Variants in SERPINB7 observed in about 807,000 individuals in gnomAD.
The protein encoded by SERPINB7 is serpin family B member 7.
SERPINB7 carries 31 observed loss-of-function variants against 37.4 expected under a neutral mutation model. That is an observed-to-expected ratio of 0.83 (90% CI 0.62 to 1.12). SERPINB7 has a LOEUF of 1.12. SERPINB7 is among the 50% of genes most tolerant of loss of function. The pLI is 0.00. For synonymous variants in SERPINB7, 163 were observed against 166.1 expected (o/e 0.98, Z 0.14); for missense variants, 521 against 455.3 (o/e 1.14, Z -1.31).
At chr18:63,791,871 A>C (rs956585843) in intron 2 of SERPINB7, among the ~76,000 whole-genome samples, 15 of 152,086 alleles carry the variant, frequency 9.9e-5, no homozygotes, top group African/African-American at 3.4e-4. Flanking sequence ...TGGCCTCCCA[A>C]AGTGCTGAGA....
intron 2 of SERPINB7, among the ~76,000 whole-genome samples, chr18:63,788,257 G>A (rs895736291): frequency 6.6e-6 from 1 of 152,210 alleles, no homozygotes; most frequent in African/African-American, 2.4e-5. Flanking sequence ...CTTTCAGTGG[G>A]ACAAGACGTG....
intron 1 of SERPINB7, among the ~76,000 whole-genome samples, chr18:63,760,498 C>T (rs1460918781): frequency 6.6e-6 from 1 of 152,176 alleles, no homozygotes; most frequent in African/African-American, 2.4e-5. Flanking sequence ...CAGAAATTTG[C>T]ATAAGTAGCA....
intron 1 of SERPINB7, among the ~76,000 whole-genome samples, chr18:63,760,553 A>T (rs904535492): frequency 6.6e-6 from 1 of 152,228 alleles, no homozygotes; most frequent in African/African-American, 2.4e-5. Flanking sequence ...AAATGTCTCC[A>T]GACCATGTCA....
intron 4 of SERPINB7, among the ~76,000 whole-genome samples, chr18:63,794,160 C>T (rs1355309252): frequency 2.6e-5 from 3 of 116,678 alleles, no homozygotes; most frequent in African/African-American, 1.0e-4. Flanking sequence ...CGGGGATTTG[C>T]TATGTTGGCC....
intron 2 of SERPINB7, among the ~76,000 whole-genome samples, chr18:63,789,530 C>G (rs1196982114): frequency 6.6e-6 from 1 of 152,108 alleles, no homozygotes; most frequent in South Asian, 2.1e-4. Flanking sequence ...TGACCAACTC[C>G]ACTGTTCGCC....
At chr18:63,773,997 G>A (rs1032182831), upstream of SERPINB7, among the ~76,000 whole-genome samples, 1 of 152,028 alleles carries the variant, frequency 6.6e-6, no homozygotes, top group Non-Finnish European at 1.5e-5. Context: ...TCCTCAGTAG[G>A]TAAGAAATAG....
At chr18:63,771,747 C>G (rs2049212530), upstream of SERPINB7, among the ~76,000 whole-genome samples, 1 of 151,626 alleles carries the variant, frequency 6.6e-6, no homozygotes, top group Non-Finnish European at 1.5e-5. Flanking sequence ...TCTCATAGAC[C>G]CTTATGAGAA....
chr18:63,795,204 TA>T (rs1334961524), intron 4 of SERPINB7, among the ~76,000 whole-genome samples: 1 of 151,954 alleles, frequency 6.6e-6, no homozygotes, highest in Non-Finnish European at 1.5e-5. Context: ...ATCTCAAAGG[TA>T]AAAAGGATGC....
At chr18:63,803,938 G>A (rs568248630) in intron 7 of SERPINB7, among the ~76,000 whole-genome samples, 1 of 152,280 alleles carries the variant, frequency 6.6e-6, no homozygotes, top group South Asian at 2.1e-4. Flanking sequence ...TCCTTCACCT[G>A]TCTATTGCTC....
rs1185399551 is a variant in SERPINB7, at chr18:63,786,207, C to T, written c.168+3667C>T. ...CACACACACACCAGCATGGCACATA[C>T]GTGTATATATATATATATATATATA... On this transcript the variant is annotated intron_variant, in intron 2 of 7. Coordinates refer to ENST00000398019, the MANE Select transcript of SERPINB7 (RefSeq NM_003784.4). 1.3e-4 allele frequency among the ~76,000 whole-genome samples: 11 copies of T among 84,280 alleles called. 2 individuals are homozygous for T. The highest frequency in any genetic ancestry group is 7.9e-4 in the Admixed American group (6 of 7,556). The allele number at this position is 84,280 out of a possible 152,430, so 55.3% of individuals were successfully genotyped here. A position where few individuals can be genotyped will look rare whatever the true frequency, so the allele number is the denominator to read the frequency against.
At chr18:63,777,990 C>A (rs1701645) in intron 1 of SERPINB7, 21,014 of 151,912 alleles carry the variant, frequency 0.14, 2,465 homozygotes, top group East Asian at 0.45. Flanking sequence ...AAACTCATCA[C>A]ACAACATCCA....
chr18:63,774,804 A>G (rs1442659531), upstream of SERPINB7, among the ~76,000 whole-genome samples: 1 of 152,128 alleles, frequency 6.6e-6, no homozygotes, highest in Non-Finnish European at 1.5e-5. Flanking sequence ...GCCAGTTGCA[A>G]TAACTAACAG....
intron 1 of SERPINB7, among the ~76,000 whole-genome samples, chr18:63,780,639 T>C (rs1210518546): frequency 6.6e-6 from 1 of 152,202 alleles, no homozygotes; most frequent in Non-Finnish European, 1.5e-5. Context: ...AACATACATT[T>C]TTTTCTGGGT....
intron 6 of SERPINB7, 23 bp from the exon 7 acceptor site, chr18:63,800,843 A>G: frequency 6.2e-7 from 1 of 1,610,768 alleles, no homozygotes; most frequent in Non-Finnish European, 8.5e-7. Context: ...ATCATAAATA[A>G]TTTTTTGTGA....
At chr18:63,797,436 A>G (rs2049500161) in intron 5 of SERPINB7, among the ~76,000 whole-genome samples, 1 of 152,136 alleles carries the variant, frequency 6.6e-6, no homozygotes, top group South Asian at 2.1e-4. Context: ...TGTAATTATT[A>G]CTCTTCTAAA....
rs891923715 is a variant in SERPINB7 at position 63,804,631 on chromosome 18, C to T, written c.1139C>T (p.Pro380Leu). 1 of 1,602,598 alleles carries T rather than the reference C, an allele frequency of 6.2e-7. No individual in the cohort carries two copies. The highest frequency in any genetic ancestry group is 1.3e-5 in the African/African-American group (1 of 74,640). The change falls in exon 8 of 8, where the codon CCT becomes CTT. Residue 380 changes from proline to leucine, a missense_variant. Pro to Leu is a moderately conservative substitution (Grantham distance 98, BLOSUM62 -3). Transcript: ENST00000398019. ...IILFSGKVSC[P>L] Reference sequence around the variant, plus strand: ...TTATTCAGTGGCAAAGTTTCTTGCCCTTGAAAATCCAATTGGTTTCTGTTA... The same window carrying T: ...TTATTCAGTGGCAAAGTTTCTTGCCTTTGAAAATCCAATTGGTTTCTGTTA...
rs746337597 is a variant in SERPINB7 at position 63,800,912 on chromosome 18, A to G, written c.644A>G (p.Asn215Ser). 4 of 1,613,990 alleles carry G rather than the reference A, an allele frequency of 2.5e-6. No homozygotes were observed. In the Admixed American group the frequency reaches 5.0e-5, roughly 20 times the overall value. Residue 215 changes from asparagine to serine, a missense_variant, in exon 7 of 8, where the codon AAT becomes AGT. Coordinates refer to ENST00000398019, the MANE Select transcript of SERPINB7 (RefSeq NM_003784.4). ...ATGATGCATCAGGAACGGAAGTTCA[A>G]TTTGTCTGTTATTGAGGACCCATCA... ...VAMMHQERKFNLSVIEDPSMK... is the reference protein window; with the variant it reads ...VAMMHQERKFSLSVIEDPSMK...
At chr18:63,772,548 A>G (rs1403981392), upstream of SERPINB7, among the ~76,000 whole-genome samples, 1 of 152,150 alleles carries the variant, frequency 6.6e-6, no homozygotes, top group East Asian at 1.9e-4. Flanking sequence ...TCAAAACGTG[A>G]TGATAAAATA....
chr18:63,789,998 T>G (rs1040354885), intron 2 of SERPINB7, among the ~76,000 whole-genome samples: 2 of 152,294 alleles, frequency 1.3e-5, no homozygotes, highest in Admixed American at 1.3e-4. Context: ...AGTTCAAAAT[T>G]TTGGATTTTG....
Sources: gnomAD v4.1 joint callset for allele counts (sites outside exome capture counted in the v4.1 genomes callset) on GRCh38, gnomAD v4.1.1 for gene constraint, MANE v1.5 for transcripts, NCBI Gene and HGNC (gene_info 2026-07-23, HGNC 2026-07-21) for gene names.